The following ANKRD11 variants were observed in gnomAD, a reference collection of about 807,000 sequenced individuals.
The protein encoded by ANKRD11 is ankyrin repeat domain 11, also known as ankyrin repeat domain-containing protein 11.
A neutral mutation model predicts 195.7 loss-of-function variants in ANKRD11; 17 were observed. The observed-to-expected ratio is 0.09, with a 90% CI of 0.06 to 0.13. The LOEUF is 0.13. Ranked by LOEUF, ANKRD11 falls within the 10% of genes least tolerant of loss-of-function variation. The pLI is 1.00. For missense variants in ANKRD11, 3,735 were observed against 3,566.1 expected, an observed-to-expected ratio of 1.05 and a Z score of -1.21; for synonymous variants, 1,953 against 1,528.1, an observed-to-expected ratio of 1.28 and a Z score of -6.49.
chr16:89,401,871 C>T (rs1482631432), intron 2 of ANKRD11, among the ~76,000 whole-genome samples: 1 of 151,970 alleles, frequency 6.6e-6, no homozygotes, highest in African/African-American at 2.4e-5. Context: ...CCCCATCCCC[C>T]AGAACCCGCC....
At chr16:89,430,955 G>A (rs2152269852) in intron 1 of ANKRD11, among the ~76,000 whole-genome samples, 1 of 152,206 alleles carries the variant, frequency 6.6e-6, no homozygotes, top group East Asian at 1.9e-4. Context: ...GGAAGTGGGT[G>A]CGCAGGCGGA....
In ANKRD11 at chr16:89,340,773, G is replaced by A. The variant is rs145202503; in HGVS notation, c.-59-23695C>T. Among the ~76,000 whole-genome samples the A allele has an allele frequency of 2.0e-5, 3 of 152,340 alleles. No homozygotes were observed. In the East Asian group the frequency reaches 5.8e-4, roughly 29 times the overall value. ...AAACAAAATCTTGGAAGAGGCACAA[G>A]GGCCCAGAGAGCTCTGAAACCCCAG... On this transcript the variant is annotated intron_variant, in intron 2 of 12. Coordinates refer to ENST00000301030, the MANE Select transcript of ANKRD11 (RefSeq NM_013275.6).
chr16:89,308,626 G>A (rs1435593407), intron 3 of ANKRD11, among the ~76,000 whole-genome samples: 1 of 152,248 alleles, frequency 6.6e-6, no homozygotes, highest in Non-Finnish European at 1.5e-5. Flanking sequence ...ACGCCCGGGA[G>A]GCTTTGAGGG....
At chr16:89,342,816 C>A (rs562151745) in intron 2 of ANKRD11, among the ~76,000 whole-genome samples, 30 of 152,268 alleles carry the variant, frequency 2.0e-4, no homozygotes, top group Non-Finnish European at 4.1e-4. Context: ...TACAGAATAA[C>A]CAAACTTTTG....
intron 1 of ANKRD11, among the ~76,000 whole-genome samples, chr16:89,456,595 G>A (rs140070868): frequency 5.9e-5 from 9 of 151,754 alleles, no homozygotes; most frequent in Admixed American, 5.9e-4. Flanking sequence ...AGACAGGATG[G>A]GTAAACACCC....
intron 2 of ANKRD11, chr16:89,361,495 A>G (rs1229636801): frequency 6.6e-6 from 1 of 152,234 alleles, no homozygotes; most frequent in Non-Finnish European, 1.5e-5. Context: ...CCATACTTAC[A>G]TATCCCAAGC....
In ANKRD11 at chr16:89,426,365, T is replaced by C. The variant is rs552691483; in HGVS notation, c.-144-7997A>G. 1.6e-4 allele frequency among the ~76,000 whole-genome samples: 25 copies of C among 152,228 alleles called. No individual in the cohort carries two copies. In the South Asian group the frequency reaches 5.2e-3, roughly 32 times the overall value. On this transcript the variant is annotated intron_variant, in intron 1 of 12. Transcript: ENST00000301030. ...AGGTGGAGGAAGGACAGTGCTGGACTGTGCAATACCTGCCTCCCTCCCGCA... is the reference window on the plus strand; with the variant it reads ...AGGTGGAGGAAGGACAGTGCTGGACCGTGCAATACCTGCCTCCCTCCCGCA...
intron 1 of ANKRD11, among the ~76,000 whole-genome samples, chr16:89,459,710 G>C (rs767011936): frequency 6.6e-6 from 1 of 152,094 alleles, no homozygotes; most frequent in African/African-American, 2.4e-5. Flanking sequence ...TGTAATCCCA[G>C]CACACTGGGA....
At chr16:89,288,737 G>T in intron 6 of ANKRD11, 67 bp from the exon 7 acceptor site, 1 of 1,607,280 alleles carries the variant, frequency 6.2e-7, no homozygotes, top group Non-Finnish European at 8.5e-7. Flanking sequence ...TCTGGAGGCA[G>T]CGCCCTGAGG....
At position 89,285,618 on chromosome 16, in the gene ANKRD11, G is replaced by A. The variant is rs373627320; in HGVS notation, c.924C>T (p.Phe308=). The A allele has an allele frequency of 1.3e-4, 217 of 1,614,058 alleles. No individual in the cohort carries two copies. Among genetic ancestry groups the A allele is most frequent in the Non-Finnish European group, 1.6e-4 (193 of 1,180,040 alleles). ...ESSEEEDAPS[F]APSSSVDGNN... is the part of the protein sequence containing the mutation. ...TGCCGTCGACTGAACTGGAAGGTGC[G>A]AAGGATGGTGCGTCTTCCTCTTCTG... The change falls in exon 9 of 13, where the codon TTC becomes TTT. Residue 308 remains phenylalanine (F), a synonymous_variant. Transcript: ENST00000301030. This position sits in a 1 kb window ranked among gnomAD's most constrained non-coding sequence, Gnocchi z 5.6.
chr16:89,378,866 G>A (rs1457096321), intron 2 of ANKRD11, among the ~76,000 whole-genome samples: 2 of 152,114 alleles, frequency 1.3e-5, no homozygotes, highest in Admixed American at 1.3e-4. Flanking sequence ...TGATGGGTGG[G>A]GCGAGGTGGG....
At position 89,395,612 on chromosome 16, in the gene ANKRD11, C is replaced by G. The variant is rs370161201; in HGVS notation, c.-60+22672G>C. ...CTGAAACTGCACACACATTTGCAAGCATAGGTATCAGGGGAGGTAAGTGAT... is the reference window on the plus strand; with the variant it reads ...CTGAAACTGCACACACATTTGCAAGGATAGGTATCAGGGGAGGTAAGTGAT... On this transcript the variant is annotated intron_variant, in intron 2 of 12. Transcript: ENST00000301030. The G allele has an allele frequency of 1.5e-4, 23 of 152,352 alleles. 1 individual carries two copies. Among genetic ancestry groups the G allele is most frequent in the African/African-American group, 5.1e-4 (21 of 41,576 alleles). 9.4% of individuals were successfully genotyped at this position (152,352 alleles called of 1,614,324 possible). A position where few individuals can be genotyped will look rare whatever the true frequency, so the allele number is the denominator to read the frequency against.
At chr16:89,352,578 C>G (rs557124710) in intron 2 of ANKRD11, among the ~76,000 whole-genome samples, 1 of 152,170 alleles carries the variant, frequency 6.6e-6, no homozygotes, top group East Asian at 1.9e-4. Context: ...CACTTCCTCT[C>G]GCCCTGGCCC....
intron 2 of ANKRD11, among the ~76,000 whole-genome samples, chr16:89,337,203 A>C (rs1305483412): frequency 6.6e-6 from 1 of 151,504 alleles, no homozygotes; most frequent in Non-Finnish European, 1.5e-5. Flanking sequence ...AAAAAACAAA[A>C]AACTGCAAAT....
intron 2 of ANKRD11, among the ~76,000 whole-genome samples, chr16:89,339,488 G>A (rs1419569193): frequency 6.6e-6 from 1 of 152,242 alleles, no homozygotes; most frequent in Non-Finnish European, 1.5e-5. Flanking sequence ...CGCAGCGCAT[G>A]TGAAGAGTCA....
In ANKRD11 at chr16:89,286,405, G is replaced by T. The variant is rs530588542; in HGVS notation, c.745-219C>A. 1.9e-5 allele frequency: 13 copies of T among 694,886 alleles called. No homozygotes were observed. The East Asian group carries it at 3.4e-4, about 18-fold the overall frequency. The allele number at this position is 694,886 out of a possible 1,614,324, so 43.0% of individuals were successfully genotyped here. A position where few individuals can be genotyped will look rare whatever the true frequency, so the allele number is the denominator to read the frequency against. On this transcript the variant is annotated intron_variant, in intron 7 of 12. Coordinates refer to ENST00000301030, the MANE Select transcript of ANKRD11 (RefSeq NM_013275.6). ...CTCCTCTGTGGGAAGGGCTGCAGCC[G>T]CGGGGGCTCCCGCACCCCTCCTGTG...
intron 2 of ANKRD11, among the ~76,000 whole-genome samples, chr16:89,386,126 G>C (rs1469689142): frequency 6.6e-6 from 1 of 152,190 alleles, no homozygotes; most frequent in East Asian, 1.9e-4. Context: ...TTTAAGTAAA[G>C]TCATTACAGA....
At chr16:89,337,036 A>G (rs1384021304) in intron 2 of ANKRD11, among the ~76,000 whole-genome samples, 1 of 127,804 alleles carries the variant, frequency 7.8e-6, no homozygotes, top group Non-Finnish European at 1.7e-5. Context: ...AAAAAAAAAA[A>G]TTAGCCAGGT....
chr16:89,409,106 T>C (rs2042018707), intron 2 of ANKRD11, among the ~76,000 whole-genome samples: 1 of 152,120 alleles, frequency 6.6e-6, no homozygotes, highest in Non-Finnish European at 1.5e-5. Context: ...CCCAGGCCAG[T>C]GAGCCCTGGG....
Sources: allele counts gnomAD v4.1 joint callset (sites outside exome capture counted in the v4.1 genomes callset), GRCh38; gene constraint gnomAD v4.1.1; non-coding constraint Gnocchi (gnomAD v3.1); transcripts MANE v1.5; gene names NCBI Gene and HGNC (gene_info 2026-07-23, HGNC 2026-07-21).